Variants in MFSD6 observed in about 807,000 individuals in gnomAD.
MFSD6 encodes major facilitator superfamily domain containing 6, also known as major facilitator superfamily domain-containing protein 6.
Under a neutral mutation model 56.3 loss-of-function variants are expected in MFSD6, and 26 were observed. The observed-to-expected ratio is 0.46, with a 90% CI of 0.34 to 0.64. The LOEUF (loss-of-function observed/expected upper bound fraction) is 0.64. MFSD6 is among the 30% of genes least tolerant of loss of function. The pLI, the probability that MFSD6 is intolerant of heterozygous loss-of-function variation, is 0.01. For synonymous variants in MFSD6, 331 were observed against 366.9 expected (o/e 0.90, Z 1.12); for missense variants, 750 against 986.2 (o/e 0.76, Z 3.21).
At chr2:190,432,918 T>TA (rs1686057769) in intron 2 of MFSD6, among the ~76,000 whole-genome samples, 1 of 151,318 alleles carries the variant, frequency 6.6e-6, no homozygotes, top group Admixed American at 6.6e-5. Flanking sequence ...CTAATATAGC[T>TA]AACTCATGAG....
Position 190,488,365 on chromosome 2 carries a change from CAG to C in MFSD6, c.1631-291_1631-290del, listed in dbSNP as rs776173080. 3.5e-4 allele frequency among the ~76,000 whole-genome samples: 54 copies of C among 152,204 alleles called. No individual in the cohort carries two copies. Among genetic ancestry groups the C allele is most frequent in the Non-Finnish European group, 5.4e-4 (37 of 68,002 alleles). The stretch of plus-strand genomic sequence containing the variant: ...AGACAGGAAGTAGAATGGTGGTTGT[CAG>C]GGGATGGGACAAGGGGTGAGTGTAA... On this transcript the variant is annotated intron_variant, in intron 4 of 7. Transcript: ENST00000392328. This position sits in a 1 kb window ranked among gnomAD's most constrained non-coding sequence, Gnocchi z 6.4.
In MFSD6 at chr2:190,487,223, C is replaced by A. The variant is rs963881736; in HGVS notation, c.1631-1434C>A. Among the ~76,000 whole-genome samples the A allele has an allele frequency of 1.8e-4, 27 of 152,094 alleles. No homozygotes were observed. The highest frequency in any genetic ancestry group is 3.5e-4 in the Non-Finnish European group (24 of 68,020). On this transcript the variant is annotated intron_variant, in intron 4 of 7. Coordinates refer to ENST00000392328, the MANE Select transcript of MFSD6 (RefSeq NM_017694.4). The surrounding 1 kb of genome is among the most constrained non-coding windows in gnomAD (Gnocchi z 5.5). Reference sequence around the variant, plus strand: ...GGGGGTGGTGGCGGGCACTTGTAGTCCCAGCTACTTGGGAGGCTGAAGCAG... The same window carrying A: ...GGGGGTGGTGGCGGGCACTTGTAGTACCAGCTACTTGGGAGGCTGAAGCAG...
intron 2 of MFSD6, among the ~76,000 whole-genome samples, chr2:190,427,181 G>A (rs1413815286): frequency 1.3e-5 from 2 of 152,252 alleles, no homozygotes; most frequent in East Asian, 3.9e-4. Flanking sequence ...TGGGTTGGCA[G>A]TCCAGGCTTC....
chr2:190,422,009 C>T (rs564804777), intron 2 of MFSD6, among the ~76,000 whole-genome samples: 6 of 152,148 alleles, frequency 3.9e-5, no homozygotes, highest in African/African-American at 7.2e-5. Flanking sequence ...CCCAATGTAG[C>T]TATAAGGCAA....
chr2:190,483,835 CA>C lies in MFSD6; in HGVS notation c.1631-4801del, dbSNP rs34089229. 9.0e-3 allele frequency among the ~76,000 whole-genome samples: 783 copies of C among 86,648 alleles called. 3 individuals are homozygous for C. The highest frequency in any genetic ancestry group is 0.026 in the African/African-American group (623 of 24,096). The allele number at this position is 86,648 out of a possible 152,430, so 56.8% of individuals were successfully genotyped here. A position where few individuals can be genotyped will look rare whatever the true frequency, so the allele number is the denominator to read the frequency against. On this transcript the variant is annotated intron_variant, in intron 4 of 7. Coordinates refer to ENST00000392328, the MANE Select transcript of MFSD6 (RefSeq NM_017694.4). ...GGGCAACAAGAGTGAAACTCATTTTCAAAAAAAAAAAAAAAAAAAAAGTTAA... is the reference window on the plus strand; with the variant it reads ...GGGCAACAAGAGTGAAACTCATTTTCAAAAAAAAAAAAAAAAAAAAGTTAA...
rs1390729781 is a variant in MFSD6, at chr2:190,438,086, A to G, written c.1532+525A>G. On this transcript the variant is annotated intron_variant, in intron 3 of 7. Coordinates refer to ENST00000392328, the MANE Select transcript of MFSD6 (RefSeq NM_017694.4). This position sits in a 1 kb window ranked among gnomAD's most constrained non-coding sequence, Gnocchi z 5.2. ...GTAATCCCTAATTCCATGATATTAC[A>G]TGGATGAGGTTCTTAAGTATTTTTT... Among the ~76,000 whole-genome samples, 1 of 152,148 alleles carries G rather than the reference A, an allele frequency of 6.6e-6. No homozygotes were observed. Among genetic ancestry groups the G allele is most frequent in the Non-Finnish European group, 1.5e-5 (1 of 68,026 alleles).
In MFSD6 at chr2:190,501,004, T is replaced by TA. The variant is rs1421271453; in HGVS notation, c.*787dup. On this transcript the variant is annotated 3_prime_UTR_variant, in exon 8 of 8. Coordinates refer to ENST00000392328, the MANE Select transcript of MFSD6 (RefSeq NM_017694.4). ...ACCAACTCAGTATCCTGTGTTTTGA[T>TA]AGACAAGAGTTTACTAAATATATTG... 1 of 152,202 alleles carries TA rather than the reference T, an allele frequency of 6.6e-6. No individual in the cohort carries two copies. Among genetic ancestry groups the TA allele is most frequent in the Non-Finnish European group, 1.5e-5 (1 of 68,034 alleles). 9.4% of individuals were successfully genotyped at this position (152,202 alleles called of 1,614,324 possible).
rs539887858 is a variant in MFSD6, at chr2:190,426,744, A to C, written c.-53-9233A>C. On this transcript the variant is annotated intron_variant, in intron 2 of 7. Transcript: ENST00000392328. The surrounding 1 kb of genome is among the most constrained non-coding windows in gnomAD (Gnocchi z 4.7). Reference sequence around the variant, plus strand: ...TGGCATCCATTGATTGCCTTTCTCCATTCAGTTTGAGATCTTCCTGGTTCT... The same window carrying C: ...TGGCATCCATTGATTGCCTTTCTCCCTTCAGTTTGAGATCTTCCTGGTTCT... Among the ~76,000 whole-genome samples the C allele has an allele frequency of 1.7e-3, 251 of 151,868 alleles. 2 individuals are homozygous for C. The highest frequency in any genetic ancestry group is 5.8e-3 in the African/African-American group (240 of 41,390).
chr2:190,460,295 C>T (rs1687256284), intron 3 of MFSD6, among the ~76,000 whole-genome samples: 1 of 152,180 alleles, frequency 6.6e-6, no homozygotes, highest in African/African-American at 2.4e-5. Context: ...AGAATATAGA[C>T]ATCTATTTTT....
intron 4 of MFSD6, among the ~76,000 whole-genome samples, chr2:190,474,360 G>A (rs540035359): frequency 9.2e-5 from 14 of 151,996 alleles, no homozygotes; most frequent in Admixed American, 2.0e-4. Context: ...TCAAATAGAC[G>A]CAATAAAAAA....
intron 1 of MFSD6, chr2:190,411,583 A>G (rs985418747): frequency 1.0e-6 from 1 of 979,764 alleles, no homozygotes; most frequent in Non-Finnish European, 1.2e-6. Flanking sequence ...CTCTTATTAT[A>G]TAAACTAAAA....
At position 190,411,159 on chromosome 2, in the gene MFSD6, TA is replaced by T. The variant is rs1690546299; in HGVS notation, c.-176+2657del. On this transcript the variant is annotated intron_variant, in intron 1 of 7. Transcript: ENST00000392328. ...CTTTTTGTCCCCAAACTGTTGACAG[TA>T]GTTTTTTTTTTTTTTTTTCAGACAG... The T allele has an allele frequency of 1.7e-4, 115 of 693,536 alleles. 1 individual carries two copies. The highest frequency in any genetic ancestry group is 2.0e-4 in the East Asian group (1 of 4,990). 43.0% of individuals were successfully genotyped at this position (693,536 alleles called of 1,614,324 possible).
In MFSD6 at chr2:190,418,145, A is replaced by G. The variant is rs145719095; in HGVS notation, c.-54+2732A>G. 6.6e-6 allele frequency among the ~76,000 whole-genome samples: 1 copy of G among 152,054 alleles called. No individual in the cohort carries two copies. The highest frequency in any genetic ancestry group is 2.1e-4 in the South Asian group (1 of 4,828). ...AGTACCTGCTAAGAGCAGCACTGCT[A>G]CTCATTCCCTATGTGACTTTGGGCT... On this transcript the variant is annotated intron_variant, in intron 2 of 7. Coordinates refer to ENST00000392328, the MANE Select transcript of MFSD6 (RefSeq NM_017694.4). The surrounding 1 kb of genome is among the most constrained non-coding windows in gnomAD (Gnocchi z 4.1).
chr2:190,429,875 C>T (rs983240246), intron 2 of MFSD6, among the ~76,000 whole-genome samples: 8 of 151,598 alleles, frequency 5.3e-5, no homozygotes, highest in East Asian at 1.9e-4. Context: ...ACTTTAAGTT[C>T]TAGGGTACAT....
At position 190,436,107 on chromosome 2, in the gene MFSD6, T is replaced by C. The variant is rs1430677387; in HGVS notation, c.78T>C (p.Phe26=). The change falls in exon 3 of 8, where the codon TTT becomes TTC. Residue 26 remains phenylalanine, a synonymous_variant. Coordinates refer to ENST00000392328, the MANE Select transcript of MFSD6 (RefSeq NM_017694.4). This position sits in a 1 kb window ranked among gnomAD's most constrained non-coding sequence, Gnocchi z 5.3. ...QKRKYVLADP[F]NGISREPEPP... ...GAAAGTATGTGCTTGCAGATCCCTT[T>C]AATGGTATTTCCAGGGAACCAGAAC... 6.2e-7 allele frequency: 1 copy of C among 1,614,120 alleles called. No homozygotes were observed. Among genetic ancestry groups the C allele is most frequent in the African/African-American group, 1.3e-5 (1 of 74,946 alleles).
At chr2:190,486,717 A>C (rs1323966333) in intron 4 of MFSD6, among the ~76,000 whole-genome samples, 1 of 152,204 alleles carries the variant, frequency 6.6e-6, no homozygotes, top group African/African-American at 2.4e-5. Context: ...ATTTTAAAAG[A>C]ATTTTGATCT....
rs1297863318 is a variant in MFSD6 at position 190,431,763 on chromosome 2, GTTCT to G, written c.-53-4211_-53-4208del. Among the ~76,000 whole-genome samples, 1 of 152,024 alleles carries G rather than the reference GTTCT, an allele frequency of 6.6e-6. No homozygotes were observed. Among genetic ancestry groups the G allele is most frequent in the African/African-American group, 2.4e-5 (1 of 41,402 alleles). ...GAGGGAGAGGGAGCATGAGCATCTT[GTTCT>G]TTATTTTCCTAAGAAATTGCCTTAA... On this transcript the variant is annotated intron_variant, in intron 2 of 7. Coordinates refer to ENST00000392328, the MANE Select transcript of MFSD6 (RefSeq NM_017694.4). The surrounding 1 kb of genome is among the most constrained non-coding windows in gnomAD (Gnocchi z 4.4).
chr2:190,434,786 T>A lies in MFSD6; in HGVS notation c.-53-1191T>A, dbSNP rs1371874214. Among the ~76,000 whole-genome samples the A allele has an allele frequency of 2.6e-5, 4 of 152,272 alleles. No homozygotes were observed. In the South Asian group the frequency reaches 8.3e-4, roughly 32 times the overall value. On this transcript the variant is annotated intron_variant, in intron 2 of 7. Coordinates refer to ENST00000392328, the MANE Select transcript of MFSD6 (RefSeq NM_017694.4). The surrounding 1 kb of genome is among the most constrained non-coding windows in gnomAD (Gnocchi z 4.3). ...GCATCTTATCTAAAATGTGTTATTT[T>A]TCAGTTTAGTGTGTCTTAGAGCAGG...
rs199927176 is a variant in MFSD6 at position 190,482,868 on chromosome 2, C to CTTTTTTTTTTTTTT, written c.1631-5767_1631-5754dup. Reference sequence around the variant, plus strand: ...GGAGAAGAGTTATTAAGACTATCATCTTTTTTTTTTTTTTTTTTTTTTTTT... The same window carrying CTTTTTTTTTTTTTT: ...GGAGAAGAGTTATTAAGACTATCATCTTTTTTTTTTTTTTTTTTTTTTTTTTTTTTTTTTTTTTT... On this transcript the variant is annotated intron_variant, in intron 4 of 7. Transcript: ENST00000392328. 1.9e-4 allele frequency among the ~76,000 whole-genome samples: 9 copies of CTTTTTTTTTTTTTT among 48,290 alleles called. 2 individuals carry two copies. The highest frequency in any genetic ancestry group is 3.4e-4 in the Non-Finnish European group (9 of 26,196). 31.7% of individuals were successfully genotyped at this position (48,290 alleles called of 152,430 possible).
Sources: allele counts gnomAD v4.1 joint callset (sites outside exome capture counted in the v4.1 genomes callset), GRCh38; gene constraint gnomAD v4.1.1; non-coding constraint Gnocchi (gnomAD v3.1); transcripts MANE v1.5; gene names NCBI Gene and HGNC (gene_info 2026-07-23, HGNC 2026-07-21).